The following CTNNA3 variants were observed in gnomAD, a reference collection of about 807,000 sequenced individuals.
The protein encoded by CTNNA3 is catenin alpha 3.
CTNNA3 carries 76 observed loss-of-function variants against 95.7 expected under a neutral mutation model. The ratio of observed to expected loss-of-function variants is 0.79; its 90% CI spans 0.66 to 0.96. CTNNA3 has a LOEUF of 0.96. Ranked by LOEUF, CTNNA3 falls within the 40% of genes least tolerant of loss-of-function variation. The pLI, the probability that CTNNA3 is intolerant of heterozygous loss-of-function variation, is 0.00. For missense variants in CTNNA3, 1,191 were observed against 1,089.8 expected (o/e 1.09, Z -1.31); for synonymous variants, 431 against 374.4 (o/e 1.15, Z -1.74).
At chr10:66,625,898 G>A (rs1291531952) in intron 9 of CTNNA3, among the ~76,000 whole-genome samples, 1 of 152,084 alleles carries the variant, frequency 6.6e-6, no homozygotes, top group African/African-American at 2.4e-5. Flanking sequence ...TCAAGGTCAG[G>A]AGGATGATCA....
At chr10:66,502,004 C>A (rs1840293657) in intron 11 of CTNNA3, among the ~76,000 whole-genome samples, 3 of 152,086 alleles carry the variant, frequency 2.0e-5, no homozygotes, top group Admixed American at 6.6e-5. Context: ...ATGCTCTAAT[C>A]TTTTATGGAT....
chr10:67,577,261 T>C (rs887782746), intron 3 of CTNNA3, among the ~76,000 whole-genome samples: 10 of 152,108 alleles, frequency 6.6e-5, no homozygotes, highest in African/African-American at 2.4e-4. Context: ...TGGTGTGAGA[T>C]GGTATCTCAT....
intron 11 of CTNNA3, among the ~76,000 whole-genome samples, chr10:66,405,544 T>C (rs537807913): frequency 6.6e-6 from 1 of 152,276 alleles, no homozygotes; most frequent in African/African-American, 2.4e-5. Context: ...TTCATTTATA[T>C]CCAGTGTTCT....
intron 8 of CTNNA3, among the ~76,000 whole-genome samples, chr10:66,767,173 C>A (rs1240045505): frequency 6.6e-6 from 1 of 151,916 alleles, no homozygotes; most frequent in Non-Finnish European, 1.5e-5. Context: ...TCGGGCCAGG[C>A]ACAGTGGCTC....
chr10:66,259,831 A>T (rs1335749309), intron 13 of CTNNA3, among the ~76,000 whole-genome samples: 3 of 152,186 alleles, frequency 2.0e-5, no homozygotes, highest in Admixed American at 2.0e-4. Context: ...TCTATGATAG[A>T]GTCTATTTCT....
chr10:66,678,166 C>T (rs1054685603), intron 9 of CTNNA3, among the ~76,000 whole-genome samples: 21 of 152,076 alleles, frequency 1.4e-4, no homozygotes, highest in Admixed American at 7.2e-4. Context: ...TTTATGTTCC[C>T]TGAACAACAA....
chr10:67,249,448 T>C (rs1423318137), intron 5 of CTNNA3, among the ~76,000 whole-genome samples: 1 of 152,224 alleles, frequency 6.6e-6, no homozygotes, highest in Non-Finnish European at 1.5e-5. Context: ...CTCTAGATTA[T>C]AGTAAATCCT....
chr10:67,727,824 A>G (rs1402577232), intron 1 of CTNNA3, among the ~76,000 whole-genome samples: 2 of 129,720 alleles, frequency 1.5e-5, no homozygotes, highest in East Asian at 4.1e-4. Context: ...ATCATATATT[A>G]TATTACATAT....
rs114737958 is a variant in CTNNA3, at chr10:66,546,091, G to A, written c.1375-25318C>T. On this transcript the variant is annotated intron_variant, in intron 10 of 17. Coordinates refer to ENST00000433211, the MANE Select transcript of CTNNA3 (RefSeq NM_013266.4). ...GTATTTTGATAAACACAGGTCCTTA[G>A]TTTTCATGCAGTATAATTATCTCCT... Among the ~76,000 whole-genome samples, 1,502 of 151,770 alleles carry A rather than the reference G, an allele frequency of 9.9e-3. 22 individuals are homozygous for A. The highest frequency in any genetic ancestry group is 0.035 in the African/African-American group (1,447 of 41,458).
chr10:67,469,961 T>C (rs574219699), intron 5 of CTNNA3, among the ~76,000 whole-genome samples: 1 of 152,214 alleles, frequency 6.6e-6, no homozygotes, highest in South Asian at 2.1e-4. Context: ...TATACTCTTT[T>C]AGTTATTTTT....
At chr10:67,033,573 A>AT (rs1853864399) in intron 7 of CTNNA3, among the ~76,000 whole-genome samples, 1 of 152,212 alleles carries the variant, frequency 6.6e-6, no homozygotes, top group Non-Finnish European at 1.5e-5. Flanking sequence ...ATAGTGCCTA[A>AT]TATGTGCCGA....
chr10:66,120,791 A>G (rs1055285405), intron 13 of CTNNA3, among the ~76,000 whole-genome samples: 5 of 152,214 alleles, frequency 3.3e-5, no homozygotes, highest in African/African-American at 1.2e-4. Context: ...TTAAAAACTG[A>G]AAACTATTTT....
intron 10 of CTNNA3, among the ~76,000 whole-genome samples, chr10:66,575,936 T>C (rs1294754481): frequency 2.5e-4 from 38 of 151,978 alleles, no homozygotes; most frequent in Admixed American, 2.5e-3. Context: ...AGCCTGAAAA[T>C]ATTGTTGTGA....
rs999810472 is a variant in CTNNA3 at position 65,912,717 on chromosome 10, T to G, written c.*7613A>C. The G allele has an allele frequency of 1.5e-4, 23 of 152,134 alleles. No homozygotes were observed. Among genetic ancestry groups the G allele is most frequent in the African/African-American group, 5.3e-4 (22 of 41,410 alleles). The allele number at this position is 152,134 out of a possible 1,614,324, so 9.4% of individuals were successfully genotyped here. Reference sequence around the variant, plus strand: ...AGCACAACTAAAAAAAATCATTGATTCAGTTAAACACAAAAGACATGCAGG... The same window carrying G: ...AGCACAACTAAAAAAAATCATTGATGCAGTTAAACACAAAAGACATGCAGG... On this transcript the variant is annotated 3_prime_UTR_variant, in exon 18 of 18. Coordinates refer to ENST00000433211, the MANE Select transcript of CTNNA3 (RefSeq NM_013266.4).
intron 6 of CTNNA3, among the ~76,000 whole-genome samples, chr10:67,184,535 A>G (rs139733831): frequency 6.6e-6 from 1 of 152,320 alleles, no homozygotes; most frequent in African/African-American, 2.4e-5. Context: ...AGCTGAAGCA[A>G]TTGAGATGTC....
intron 9 of CTNNA3, among the ~76,000 whole-genome samples, chr10:66,635,950 T>A (rs1278031136): frequency 6.6e-6 from 1 of 151,760 alleles, no homozygotes; most frequent in Non-Finnish European, 1.5e-5. Flanking sequence ...TGTCTCTGAG[T>A]ATAAATTGCC....
At chr10:66,359,715 G>A (rs1210492589) in intron 12 of CTNNA3, among the ~76,000 whole-genome samples, 1 of 151,922 alleles carries the variant, frequency 6.6e-6, no homozygotes, top group Non-Finnish European at 1.5e-5. Flanking sequence ...TATTTATTTT[G>A]TCTTTATTCA....
At chr10:66,941,896 C>T (rs538920311) in intron 7 of CTNNA3, among the ~76,000 whole-genome samples, 134 of 152,186 alleles carry the variant, frequency 8.8e-4, no homozygotes, top group African/African-American at 2.9e-3. Flanking sequence ...ATAGATGGGC[C>T]GGCAGAGTTT....
At chr10:66,559,948 C>T (rs766961370) in intron 10 of CTNNA3, among the ~76,000 whole-genome samples, 3 of 152,060 alleles carry the variant, frequency 2.0e-5, no homozygotes, top group Non-Finnish European at 4.4e-5. Context: ...TTCTGTTCAT[C>T]ATTGTATCCT....
Sources: gnomAD v4.1 joint callset for allele counts (sites outside exome capture counted in the v4.1 genomes callset) on GRCh38, gnomAD v4.1.1 for gene constraint, MANE v1.5 for transcripts, NCBI Gene and HGNC (gene_info 2026-07-23, HGNC 2026-07-21) for gene names.